TAOK1: variants seen among roughly 807,000 people sequenced by gnomAD.
The protein encoded by TAOK1 is TAO kinase 1, also known as serine/threonine-protein kinase TAO1.
A neutral mutation model predicts 138.3 loss-of-function variants in TAOK1; 21 were observed. That is an observed-to-expected ratio of 0.15 (90% CI 0.11 to 0.22). The LOEUF is 0.22. TAOK1 is among the 10% of genes least tolerant of loss of function. The pLI is 1.00. For synonymous variants in TAOK1, 361 were observed against 398.4 expected, an observed-to-expected ratio of 0.91 and a Z score of 1.12; for missense variants, 651 against 1,227.7, an observed-to-expected ratio of 0.53 and a Z score of 7.02.
chr17:29,416,797 G>T (rs1208135742), intron 1 of TAOK1, among the ~76,000 whole-genome samples: 1 of 151,992 alleles, frequency 6.6e-6, no homozygotes, highest in East Asian at 1.9e-4. Context: ...TCTAAAAGGG[G>T]TAATCATCTT....
intron 1 of TAOK1, among the ~76,000 whole-genome samples, chr17:29,433,987 A>C (rs1905941361): frequency 6.6e-6 from 1 of 152,170 alleles, no homozygotes; most frequent in South Asian, 2.1e-4. Context: ...CGGTTGCATG[A>C]CCATTTGGAG....
At chr17:29,472,215 A>T (rs1247436226) in intron 3 of TAOK1, among the ~76,000 whole-genome samples, 4 of 151,470 alleles carry the variant, frequency 2.6e-5, no homozygotes, top group Admixed American at 6.6e-5. Flanking sequence ...GCCCATATCC[A>T]TCAGACAAAT....
chr17:29,487,678 A>G (rs8075799), intron 8 of TAOK1, among the ~76,000 whole-genome samples: 1,997 of 152,346 alleles, frequency 0.013, 46 homozygotes, highest in African/African-American at 0.045. Flanking sequence ...AAAGGTTTCT[A>G]CTGTTCAAAT....
At chr17:29,431,091 G>A (rs2153022630) in intron 1 of TAOK1, among the ~76,000 whole-genome samples, 1 of 152,262 alleles carries the variant, frequency 6.6e-6, no homozygotes, top group Middle Eastern at 3.4e-3. Context: ...TAAAGTCTTA[G>A]CACAAGTGAT....
At position 29,484,075 on chromosome 17, in the gene TAOK1, G is replaced by C. The variant is rs74607930; in HGVS notation, c.655+1787G>C. The stretch of plus-strand genomic sequence containing the variant: ...ATTAGAAGGTATTTGTTGGCTCATT[G>C]TTGTGCTTAGAACAAAATCTACCTA... On this transcript the variant is annotated intron_variant, in intron 8 of 19. Coordinates refer to ENST00000261716, the MANE Select transcript of TAOK1 (RefSeq NM_020791.4). Among the ~76,000 whole-genome samples the C allele has an allele frequency of 1.0e-3, 157 of 152,242 alleles. 3 individuals carry two copies. The highest frequency in any genetic ancestry group is 8.3e-3 in the East Asian group (43 of 5,182).
chr17:29,468,007 A>C (rs1212405556), intron 3 of TAOK1, among the ~76,000 whole-genome samples: 1 of 150,974 alleles, frequency 6.6e-6, no homozygotes, highest in African/African-American at 2.4e-5. Context: ...TTGTATTTTT[A>C]GTAGAGACAG....
intron 13 of TAOK1, among the ~76,000 whole-genome samples, chr17:29,505,423 C>T (rs769955390): frequency 3.9e-5 from 6 of 152,046 alleles, no homozygotes; most frequent in Admixed American, 2.6e-4. Flanking sequence ...AATGGTGGGC[C>T]GGGTGGAGTG....
At chr17:29,406,390 A>G (rs7208363) in intron 1 of TAOK1, among the ~76,000 whole-genome samples, 2 of 151,794 alleles carry the variant, frequency 1.3e-5, no homozygotes, top group African/African-American at 4.8e-5. Context: ...AAAGGGTATT[A>G]TATACCTGAG....
chr17:29,541,775 C>CA (rs577390498), intron 19 of TAOK1, among the ~76,000 whole-genome samples: 1,623 of 143,458 alleles, frequency 0.011, 36 homozygotes, highest in African/African-American at 0.039. Flanking sequence ...GACTCCGTCT[C>CA]AAAAAAAAAG....
At chr17:29,470,301 A>G (rs2030783787) in intron 3 of TAOK1, among the ~76,000 whole-genome samples, 1 of 152,210 alleles carries the variant, frequency 6.6e-6, no homozygotes. Flanking sequence ...GTATTAGTGA[A>G]TAAGGCTCTT....
rs551383300 is a variant in TAOK1, at chr17:29,460,346, C to G, written c.133-6799C>G. Among the ~76,000 whole-genome samples the G allele has an allele frequency of 3.3e-5, 5 of 152,244 alleles. No individual in the cohort carries two copies. The South Asian group carries it at 8.3e-4, about 25-fold the overall frequency. On this transcript the variant is annotated intron_variant, in intron 2 of 19. Coordinates refer to ENST00000261716, the MANE Select transcript of TAOK1 (RefSeq NM_020791.4). ...AGCTAGGATTACAGGCATTTGCCAG[C>G]ACACCTGGCTAATTTTTGTATTTTT...
intron 1 of TAOK1, among the ~76,000 whole-genome samples, chr17:29,438,546 G>A (rs1906109811): frequency 6.6e-6 from 1 of 152,154 alleles, no homozygotes; most frequent in African/African-American, 2.4e-5. Context: ...GTTGGGCGTG[G>A]TGACACATGC....
In TAOK1 at chr17:29,547,203, C is replaced by T. The variant is rs561081538; in HGVS notation, c.*4181C>T. The T allele has an allele frequency of 4.6e-5, 7 of 152,108 alleles. No homozygotes were observed. The highest frequency in any genetic ancestry group is 1.7e-4 in the African/African-American group (7 of 41,500). The allele number at this position is 152,108 out of a possible 1,614,324, so 9.4% of individuals were successfully genotyped here. ...TTTCTTAGTAGTGATACCATTGATC[C>T]TCTTACTTTTTTTACTCCATTAATA... On this transcript the variant is annotated 3_prime_UTR_variant, in exon 20 of 20. Transcript: ENST00000261716.
intron 7 of TAOK1, among the ~76,000 whole-genome samples, chr17:29,481,817 A>C (rs946164775): frequency 6.6e-6 from 1 of 152,076 alleles, no homozygotes; most frequent in South Asian, 2.1e-4. Context: ...AAAATTAGCC[A>C]GGCATGGTGG....
At chr17:29,405,116 A>G (rs937255688) in intron 1 of TAOK1, among the ~76,000 whole-genome samples, 3 of 152,074 alleles carry the variant, frequency 2.0e-5, no homozygotes, top group Non-Finnish European at 4.4e-5. Flanking sequence ...AGTAGCTGAG[A>G]TTACAGGCAT....
rs1026869179 is a variant in TAOK1 at position 29,551,025 on chromosome 17, C to T, written c.*8003C>T. 1.3e-5 allele frequency: 2 copies of T among 151,938 alleles called. No homozygotes were observed. The highest frequency in any genetic ancestry group is 4.8e-5 in the African/African-American group (2 of 41,288). The allele number at this position is 151,938 out of a possible 1,614,324, so 9.4% of individuals were successfully genotyped here. A position where few individuals can be genotyped will look rare whatever the true frequency, so the allele number is the denominator to read the frequency against. On this transcript the variant is annotated 3_prime_UTR_variant, in exon 20 of 20. Transcript: ENST00000261716. ...TATTTAAAAAAAAAAAGAAAAAAAG[C>T]TGTAACCTTATCATTTCTGAGTAGA...
intron 1 of TAOK1, among the ~76,000 whole-genome samples, chr17:29,428,934 A>G (rs1230053798): frequency 2.0e-5 from 3 of 151,966 alleles, no homozygotes. Context: ...CGCCCACCCC[A>G]GTTATGAGAA....
Position 29,551,077 on chromosome 17 carries a change from A to G in TAOK1, c.*8055A>G, listed in dbSNP as rs2032485410. 6.6e-6 allele frequency: 1 copy of G among 152,218 alleles called. No individual in the cohort carries two copies. The highest frequency in any genetic ancestry group is 6.5e-5 in the Admixed American group (1 of 15,282). 9.4% of individuals were successfully genotyped at this position (152,218 alleles called of 1,614,324 possible). A position where few individuals can be genotyped will look rare whatever the true frequency, so the allele number is the denominator to read the frequency against. Reference sequence around the variant, plus strand: ...CATTGAGCGATGAATGCACACCTGTAGTAGCCCAGGACCAGCTGTGGTGGC... The same window carrying G: ...CATTGAGCGATGAATGCACACCTGTGGTAGCCCAGGACCAGCTGTGGTGGC... On this transcript the variant is annotated 3_prime_UTR_variant, in exon 20 of 20. Coordinates refer to ENST00000261716, the MANE Select transcript of TAOK1 (RefSeq NM_020791.4).
intron 12 of TAOK1, among the ~76,000 whole-genome samples, chr17:29,499,988 T>C (rs2031494141): frequency 6.6e-6 from 1 of 152,198 alleles, no homozygotes; most frequent in Admixed American, 6.5e-5. Flanking sequence ...TGAAAAATAC[T>C]GGAAAGTCAG....
Sources: allele counts gnomAD v4.1 joint callset (sites outside exome capture counted in the v4.1 genomes callset), GRCh38; gene constraint gnomAD v4.1.1; transcripts MANE v1.5; gene names NCBI Gene and HGNC (gene_info 2026-07-23, HGNC 2026-07-21).